Variants in PCDHGC4 observed in about 807,000 individuals in gnomAD.
PCDHGC4 encodes the protein protocadherin gamma subfamily C, 4.
PCDHGC4 carries 15 observed loss-of-function variants against 59.7 expected under a neutral mutation model. The ratio of observed to expected loss-of-function variants is 0.25; its 90% CI spans 0.17 to 0.39. The LOEUF is 0.39. Among genes scored for constraint, PCDHGC4 ranks in the 10% least tolerant of loss-of-function variants. PCDHGC4 has a pLI of 1.00. For missense variants in PCDHGC4, 1,016 were observed against 1,189.5 expected (o/e 0.85, Z 2.15); for synonymous variants, 434 against 481.4 (o/e 0.90, Z 1.29).
In PCDHGC4 at chr5:141,490,951, T is replaced by C. The variant is rs778168052; in HGVS notation, c.2442+3336T>C. 20 of 1,613,640 alleles carry C rather than the reference T, an allele frequency of 1.2e-5. No homozygotes were observed. Among genetic ancestry groups the C allele is most frequent in the Middle Eastern group, 1.6e-4 (1 of 6,084 alleles). On this transcript the variant is annotated intron_variant, in intron 1 of 3. Coordinates refer to ENST00000306593, the MANE Select transcript of PCDHGC4 (RefSeq NM_018928.3). This position sits in a 1 kb window ranked among gnomAD's most constrained non-coding sequence, Gnocchi z 5.4. The stretch of plus-strand genomic sequence containing the variant: ...AGCTGTGCTGCACCCACGGCCAGAC[T>C]GGGAACACTCAGCCCCCCAGCGTCT...
At chr5:141,510,887 G>C (rs2099883217) in intron 3 of PCDHGC4, 60 bp from the exon 4 acceptor site, 2 of 1,612,600 alleles carry the variant, frequency 1.2e-6, no homozygotes, top group East Asian at 4.5e-5. Context: ...GGGGATATAA[G>C]ACAGTGACTG....
At position 141,487,329 on chromosome 5, in the gene PCDHGC4, C is replaced by T; in HGVS notation, c.2156C>T (p.Ala719Val). Residue 719 changes from alanine (A) to valine (V), a missense_variant, in exon 1 of 4, where the codon GCA becomes GTA. Coordinates refer to ENST00000306593, the MANE Select transcript of PCDHGC4 (RefSeq NM_018928.3). This position sits in a 1 kb window ranked among gnomAD's most constrained non-coding sequence, Gnocchi z 5.0. The part of the protein sequence containing the change: ...VALLSKCLRG[A>V]ACGVTCFPAG... Reference sequence around the variant, plus strand: ...CTACTCTCTAAGTGTCTTCGTGGGGCAGCCTGTGGAGTCACATGCTTTCCT... The same window carrying T: ...CTACTCTCTAAGTGTCTTCGTGGGGTAGCCTGTGGAGTCACATGCTTTCCT... 1 of 1,614,170 alleles carries T rather than the reference C, an allele frequency of 6.2e-7. No homozygotes were observed. The highest frequency in any genetic ancestry group is 1.1e-5 in the South Asian group (1 of 91,070).
chr5:141,508,777 AG>A (rs1428861784), intron 3 of PCDHGC4, among the ~76,000 whole-genome samples: 3 of 150,778 alleles, frequency 2.0e-5, no homozygotes, highest in Non-Finnish European at 4.4e-5. Context: ...TCCCCCCTCT[AG>A]CCCCTAAATC....
chr5:141,510,825 G>C, intron 3 of PCDHGC4, 122 bp from the exon 4 acceptor site: 2 of 1,566,486 alleles, frequency 1.3e-6, no homozygotes, highest in Non-Finnish European at 1.7e-6. Flanking sequence ...TATATTCCCA[G>C]TGCTCAGCGT....
chr5:141,511,117 G>A lies in PCDHGC4; in HGVS notation c.2761G>A (p.Ala921Thr). Residue 921 changes from alanine to threonine, a missense_variant, in exon 4 of 4, where the codon GCC becomes ACC. Physicochemically the swap from Ala to Thr is moderately conservative, Grantham distance 58. Coordinates refer to ENST00000306593, the MANE Select transcript of PCDHGC4 (RefSeq NM_018928.3). ...TNAAGKRDGK[A>T]PAGGNGNKKK... ...CGCAGCTGGCAAGCGGGATGGCAAG[G>A]CCCCAGCAGGTGGCAATGGCAACAA... 6.2e-7 allele frequency: 1 copy of A among 1,614,216 alleles called. No homozygotes were observed. Among genetic ancestry groups the A allele is most frequent in the Non-Finnish European group, 8.5e-7 (1 of 1,180,026 alleles).
At chr5:141,496,268 G>T (rs1237681971) in intron 2 of PCDHGC4, among the ~76,000 whole-genome samples, 1 of 152,208 alleles carries the variant, frequency 6.6e-6, no homozygotes, top group Non-Finnish European at 1.5e-5. Flanking sequence ...TCAGCAGAAA[G>T]ACCTTCAGTT....
chr5:141,499,731 C>T (rs2099794093), intron 2 of PCDHGC4, among the ~76,000 whole-genome samples: 1 of 138,132 alleles, frequency 7.2e-6, no homozygotes, highest in African/African-American at 2.7e-5. Context: ...GTCTCACTCT[C>T]TTGCCCAGGC....
At chr5:141,502,191 A>G (rs2099813218) in intron 2 of PCDHGC4, among the ~76,000 whole-genome samples, 1 of 152,170 alleles carries the variant, frequency 6.6e-6, no homozygotes, top group Non-Finnish European at 1.5e-5. Flanking sequence ...TAATACAATA[A>G]TATAGAATCC....
At chr5:141,494,362 A>T (rs527454959) in intron 1 of PCDHGC4, among the ~76,000 whole-genome samples, 47 of 152,300 alleles carry the variant, frequency 3.1e-4, no homozygotes, top group Admixed American at 8.5e-4. Context: ...GCTGCAGAGG[A>T]TGCTTTGTTC....
In PCDHGC4 at chr5:141,486,585, GGGA is replaced by G; in HGVS notation, c.1413_1415del (p.Asp472del). The G allele has an allele frequency of 6.2e-7, 1 of 1,613,708 alleles. No individual in the cohort carries two copies. Among genetic ancestry groups the G allele is most frequent in the Non-Finnish European group, 8.5e-7 (1 of 1,180,024 alleles). On this transcript the variant is annotated inframe_deletion, in exon 1 of 4. Transcript: ENST00000306593. This position sits in a 1 kb window ranked among gnomAD's most constrained non-coding sequence, Gnocchi z 5.0. ...TTTGTTCCTGAGAACAATCGCCCAG[GGGA>G]CCTGCTTTGCTCCCTTGCAGCCTCT...
At position 141,491,766 on chromosome 5, in the gene PCDHGC4, T is replaced by G. The variant is rs772444495; in HGVS notation, c.2443-3041T>G. On this transcript the variant is annotated intron_variant, in intron 1 of 3. Coordinates refer to ENST00000306593, the MANE Select transcript of PCDHGC4 (RefSeq NM_018928.3). This position sits in a 1 kb window ranked among gnomAD's most constrained non-coding sequence, Gnocchi z 6.9. ...GCACTGGAGAAGCCGCCCGTCCTCA[T>G]AAGGGATTGAACTTGCATCCACTCC... The G allele has an allele frequency of 1.9e-6, 3 of 1,567,856 alleles. No homozygotes were observed. Among genetic ancestry groups the G allele is most frequent in the Non-Finnish European group, 8.6e-7 (1 of 1,158,088 alleles).
intron 2 of PCDHGC4, among the ~76,000 whole-genome samples, chr5:141,496,189 G>T (rs1362938002): frequency 1.3e-5 from 2 of 152,004 alleles, no homozygotes; most frequent in African/African-American, 4.8e-5. Context: ...AGCCCCAGCT[G>T]CTCATTTCAA....
chr5:141,506,280 C>CT (rs1455257972), intron 3 of PCDHGC4, among the ~76,000 whole-genome samples: 1 of 152,024 alleles, frequency 6.6e-6, no homozygotes, highest in Non-Finnish European at 1.5e-5. Flanking sequence ...GAAACCCTGT[C>CT]TCTACTAAAA....
chr5:141,496,251 G>A (rs746722054), intron 2 of PCDHGC4, among the ~76,000 whole-genome samples: 7 of 152,150 alleles, frequency 4.6e-5, no homozygotes, highest in African/African-American at 7.2e-5. Context: ...TGAAGGGGAG[G>A]GAAACTTCAG....
chr5:141,505,436 T>C lies in PCDHGC4; in HGVS notation c.2545T>C (p.Phe849Leu). 1.2e-6 allele frequency: 2 copies of C among 1,614,118 alleles called. No homozygotes were observed. The highest frequency in any genetic ancestry group is 1.7e-6 in the Non-Finnish European group (2 of 1,179,998). ...DDTGTWPNNQ[F>L]DTEMLQAMIL... is the part of the protein sequence containing the mutation. ...CACCGGCACCTGGCCCAACAACCAG[T>C]TTGACACAGAGATGCTGCAAGCCAT... Residue 849 changes from phenylalanine (F) to leucine (L), a missense_variant, in exon 3 of 4, where the codon TTT becomes CTT. Phe to Leu is a conservative substitution (Grantham distance 22). Coordinates refer to ENST00000306593, the MANE Select transcript of PCDHGC4 (RefSeq NM_018928.3).
chr5:141,487,377 C>G lies in PCDHGC4; in HGVS notation c.2204C>G (p.Thr735Ser), dbSNP rs758216933. Residue 735 changes from threonine (T) to serine (S), a missense_variant, in exon 1 of 4, where the codon ACC becomes AGC. Thr to Ser is a moderately conservative substitution (Grantham distance 58, BLOSUM62 1). Coordinates refer to ENST00000306593, the MANE Select transcript of PCDHGC4 (RefSeq NM_018928.3). This position sits in a 1 kb window ranked among gnomAD's most constrained non-coding sequence, Gnocchi z 5.0. ...CCTGCTGGCACCTGTGCCTGTCTCA[C>G]CAGATCTCGAAGGAGGGAGGGGCTT... ...CFPAGTCACL[T>S]RSRRREGLPP... 6.2e-7 allele frequency: 1 copy of G among 1,614,190 alleles called. No individual in the cohort carries two copies. The highest frequency in any genetic ancestry group is 1.1e-5 in the South Asian group (1 of 91,086).
intron 2 of PCDHGC4, among the ~76,000 whole-genome samples, chr5:141,502,834 A>G (rs1398558120): frequency 6.7e-6 from 1 of 149,378 alleles, no homozygotes; most frequent in Non-Finnish European, 1.5e-5. Flanking sequence ...GGAAGCCTGG[A>G]CTGGCTGAGC....
Position 141,511,252 on chromosome 5 carries a change from G to C in PCDHGC4, c.*79G>C. 6.4e-7 allele frequency: 1 copy of C among 1,568,260 alleles called. No homozygotes were observed. The highest frequency in any genetic ancestry group is 8.6e-7 in the Non-Finnish European group (1 of 1,157,002). On this transcript the variant is annotated 3_prime_UTR_variant, in exon 4 of 4. Coordinates refer to ENST00000306593, the MANE Select transcript of PCDHGC4 (RefSeq NM_018928.3). ...TCTCCTTACCTGCACCCAGGCCTCA[G>C]AGTTTCAGGGCTAACCCCCAGAATA... is the stretch of plus-strand genomic sequence containing the variant.
Position 141,486,902 on chromosome 5 carries a change from C to T in PCDHGC4, c.1729C>T (p.Pro577Ser), listed in dbSNP as rs2099636761. Residue 577 changes from proline (P) to serine (S), a missense_variant, in exon 1 of 4, where the codon CCC becomes TCC. Physicochemically the swap from Pro to Ser is moderately conservative, Grantham distance 74. Transcript: ENST00000306593. This position sits in a 1 kb window ranked among gnomAD's most constrained non-coding sequence, Gnocchi z 5.0. The part of the protein sequence containing the change: ...RPRARPGSLC[P>S]QALPPSVGAG... ...TCGGGCCCGGCCTGGTTCCTTATGT[C>T]CCCAAGCACTGCCTCCATCAGTTGG... 1 of 1,614,226 alleles carries T rather than the reference C, an allele frequency of 6.2e-7. No individual in the cohort carries two copies. The highest frequency in any genetic ancestry group is 8.5e-7 in the Non-Finnish European group (1 of 1,180,044).
Sources: gnomAD v4.1 joint callset for allele counts (sites outside exome capture counted in the v4.1 genomes callset) on GRCh38, gnomAD v4.1.1 for gene constraint, Gnocchi (gnomAD v3.1) non-coding constraint, MANE v1.5 for transcripts, NCBI Gene and HGNC (gene_info 2026-07-23, HGNC 2026-07-21) for gene names.